Variants in NUP205 observed in about 807,000 individuals in gnomAD.
NUP205 encodes the protein nuclear pore complex protein Nup205.
In NUP205, 76 loss-of-function variants were observed where a neutral mutation model predicts 253.8. That is an observed-to-expected ratio of 0.30 (90% CI 0.25 to 0.36). The LOEUF is 0.36. Among genes scored for constraint, NUP205 ranks in the 10% least tolerant of loss-of-function variants. The probability of loss-of-function intolerance (pLI) is 1.00; values close to 1 mark genes in which losing one functional copy is unlikely to be tolerated. For synonymous variants in NUP205, 832 were observed against 850.1 expected (o/e 0.98, Z 0.37); for missense variants, 2,162 against 2,425.5 (o/e 0.89, Z 2.28).
intron 36 of NUP205, among the ~76,000 whole-genome samples, 154 bp from the exon 37 acceptor site, chr7:135,637,777 A>G (rs1398408920): frequency 6.6e-6 from 1 of 152,246 alleles, no homozygotes; most frequent in Non-Finnish European, 1.5e-5. Context: ...TTGAATTTTA[A>G]TAATGCTACT....
At chr7:135,580,848 A>G (rs1201839793) in intron 7 of NUP205, among the ~76,000 whole-genome samples, 1 of 152,060 alleles carries the variant, frequency 6.6e-6, no homozygotes, top group Non-Finnish European at 1.5e-5. Flanking sequence ...ATCTTATGCT[A>G]TAATTGCCCA....
At chr7:135,623,661 T>A (rs185725226) in intron 31 of NUP205, among the ~76,000 whole-genome samples, 133 of 141,218 alleles carry the variant, frequency 9.4e-4, no homozygotes, top group African/African-American at 3.1e-3. Context: ...GAAGATAACT[T>A]CTTCTTAATG....
At chr7:135,571,843 C>G (rs1424568012) in intron 2 of NUP205, among the ~76,000 whole-genome samples, 3 of 152,174 alleles carry the variant, frequency 2.0e-5, no homozygotes, top group Non-Finnish European at 4.4e-5. Context: ...TCACCTGTCT[C>G]ACTCCAGTGA....
At chr7:135,620,843 G>A (rs1794458355) in intron 30 of NUP205, among the ~76,000 whole-genome samples, 3 of 152,042 alleles carry the variant, frequency 2.0e-5, no homozygotes, top group Admixed American at 6.5e-5. Context: ...GAATTTCTTG[G>A]TCAAAAGTTA....
At chr7:135,567,852 A>T (rs927614086) in intron 1 of NUP205, among the ~76,000 whole-genome samples, 1 of 152,212 alleles carries the variant, frequency 6.6e-6, no homozygotes, top group Non-Finnish European at 1.5e-5. Flanking sequence ...GTCTAAACAC[A>T]TATGAGTACC....
chr7:135,624,646 G>A (rs533013559), intron 31 of NUP205, among the ~76,000 whole-genome samples: 3 of 152,082 alleles, frequency 2.0e-5, no homozygotes, highest in Non-Finnish European at 2.9e-5. Context: ...CAAAATGCTG[G>A]GATTACAGGC....
At chr7:135,633,376 A>T (rs191508055) in intron 35 of NUP205, among the ~76,000 whole-genome samples, 3 of 152,280 alleles carry the variant, frequency 2.0e-5, no homozygotes, top group Admixed American at 2.0e-4. Flanking sequence ...CAGCCTCCCA[A>T]GTAGCTGAGA....
In NUP205 at chr7:135,618,399, C is replaced by A. The variant is rs759123375; in HGVS notation, c.3772-13C>A. The A allele has an allele frequency of 1.2e-6, 2 of 1,611,540 alleles. No homozygotes were observed. Among genetic ancestry groups the A allele is most frequent in the African/African-American group, 1.3e-5 (1 of 74,834 alleles). On this transcript the variant is annotated splice_polypyrimidine_tract_variant and intron_variant, in intron 27 of 42. Transcript: ENST00000285968. Reference sequence around the variant, plus strand: ...GCCTGTTTAACCTTGTGATTCAATTCCTGTGGCTTTAGGAAATCAGCACTG... The same window carrying A: ...GCCTGTTTAACCTTGTGATTCAATTACTGTGGCTTTAGGAAATCAGCACTG...
chr7:135,638,442 G>C (rs1270769646), intron 37 of NUP205, 115 bp from the exon 38 acceptor site: 1 of 777,868 alleles, frequency 1.3e-6, no homozygotes, highest in Non-Finnish European at 2.1e-6. Context: ...AGAATACACA[G>C]ATGTGAGTCA....
chr7:135,627,970 A>T lies in NUP205; in HGVS notation c.4794-3A>T, dbSNP rs776739941. 1.2e-6 allele frequency: 2 copies of T among 1,612,652 alleles called. No individual in the cohort carries two copies. The highest frequency in any genetic ancestry group is 2.2e-5 in the South Asian group (2 of 90,946). On this transcript the variant is annotated splice_region_variant and splice_polypyrimidine_tract_variant and intron_variant, in intron 33 of 42. Coordinates refer to ENST00000285968, the MANE Select transcript of NUP205 (RefSeq NM_015135.3). ...TGTTTTCTCCTTGTTTGGTTGAAAT[A>T]AGCATGTTTGGCATGAGAGACCCTC...
chr7:135,629,173 A>G (rs1794653532), intron 34 of NUP205, among the ~76,000 whole-genome samples: 1 of 152,224 alleles, frequency 6.6e-6, no homozygotes. Flanking sequence ...AGTGATTCAC[A>G]TCCTTGGCTT....
At chr7:135,621,126 A>G (rs1340533875) in intron 30 of NUP205, among the ~76,000 whole-genome samples, 1 of 152,248 alleles carries the variant, frequency 6.6e-6, no homozygotes, top group Non-Finnish European at 1.5e-5. Context: ...ACCACTGTGT[A>G]CGTAAGGTTG....
rs1177255609 is a variant in NUP205, at chr7:135,587,562, ATAAAT to A, written c.1219-11_1219-7del. 11 of 1,523,662 alleles carry A rather than the reference ATAAAT, an allele frequency of 7.2e-6. No homozygotes were observed. In the South Asian group the frequency reaches 1.2e-4, roughly 17 times the overall value. 94.4% of individuals were successfully genotyped at this position (1,523,662 alleles called of 1,614,324 possible). A position where few individuals can be genotyped will look rare whatever the true frequency, so the allele number is the denominator to read the frequency against. On this transcript the variant is annotated splice_region_variant and splice_polypyrimidine_tract_variant and intron_variant, in intron 8 of 42. Transcript: ENST00000285968. The stretch of plus-strand genomic sequence containing the variant: ...CATTTACATATTAAAACTATATCTA[ATAAAT>A]TTAATAGGTGAAACAGCTGAGGAAT...
intron 19 of NUP205, 132 bp downstream of exon 19, chr7:135,604,592 T>C: frequency 1.1e-6 from 1 of 872,804 alleles, no homozygotes; most frequent in Non-Finnish European, 1.7e-6. Flanking sequence ...TATATTTGTA[T>C]AGGATGGGTG....
rs79694015 is a variant in NUP205 at position 135,602,753 on chromosome 7, G to A, written c.2513-52G>A. 2.6e-5 allele frequency: 36 copies of A among 1,389,266 alleles called. No homozygotes were observed. In the East Asian group the frequency reaches 7.9e-4, roughly 30 times the overall value. The allele number at this position is 1,389,266 out of a possible 1,614,324, so 86.1% of individuals were successfully genotyped here. A position where few individuals can be genotyped will look rare whatever the true frequency, so the allele number is the denominator to read the frequency against. On this transcript the variant is annotated intron_variant, in intron 17 of 42. Coordinates refer to ENST00000285968, the MANE Select transcript of NUP205 (RefSeq NM_015135.3). ...TGTCTTGTTTTCCTAAGAATTGACTGTGAGTTTTTAAGATAAATTTAGAAC... is the reference window on the plus strand; with the variant it reads ...TGTCTTGTTTTCCTAAGAATTGACTATGAGTTTTTAAGATAAATTTAGAAC...
At chr7:135,615,215 A>C (rs1468082980) in intron 23 of NUP205, among the ~76,000 whole-genome samples, 1 of 152,110 alleles carries the variant, frequency 6.6e-6, no homozygotes, top group East Asian at 1.9e-4. Context: ...TTATACTGTC[A>C]CAGTTTAGGG....
rs568234277 is a variant in NUP205 at position 135,645,316 on chromosome 7, TGAG to T, written c.5684-148_5684-146del. Reference sequence around the variant, plus strand: ...CTCAGCACACCTTGCTGCTTCCTCTTGAGGAGCCTTCAGTGAGACCCTGTCTGT... The same window carrying T: ...CTCAGCACACCTTGCTGCTTCCTCTTGAGCCTTCAGTGAGACCCTGTCTGT... On this transcript the variant is annotated intron_variant, in intron 40 of 42. Transcript: ENST00000285968. 267 of 864,790 alleles carry T rather than the reference TGAG, an allele frequency of 3.1e-4. No individual in the cohort carries two copies. The African/African-American group carries it at 3.5e-3, about 11-fold the overall frequency. The allele number at this position is 864,790 out of a possible 1,614,324, so 53.6% of individuals were successfully genotyped here. A position where few individuals can be genotyped will look rare whatever the true frequency, so the allele number is the denominator to read the frequency against.
In NUP205 at chr7:135,566,350, C is replaced by T. The variant is rs569955388; in HGVS notation, c.29-4755C>T. On this transcript the variant is annotated intron_variant, in intron 1 of 42. Transcript: ENST00000285968. The stretch of plus-strand genomic sequence containing the variant: ...TCTTGAACTCCTAGCCTTGGCCTCC[C>T]GAAGTGCTGGGGTTACACGGATGAG... Among the ~76,000 whole-genome samples, 17 of 152,222 alleles carry T rather than the reference C, an allele frequency of 1.1e-4. No homozygotes were observed. The East Asian group carries it at 1.5e-3, about 14-fold the overall frequency.
intron 23 of NUP205, 21 bp downstream of exon 23, chr7:135,614,294 A>G (rs1016583154): frequency 8.3e-6 from 10 of 1,200,040 alleles, no homozygotes; most frequent in Non-Finnish European, 2.5e-6. Flanking sequence ...ATTTTCCCGT[A>G]TTTATAAGAA....
Sources: gnomAD v4.1 joint callset for allele counts (sites outside exome capture counted in the v4.1 genomes callset) on GRCh38, gnomAD v4.1.1 for gene constraint, MANE v1.5 for transcripts, NCBI Gene and HGNC (gene_info 2026-07-23, HGNC 2026-07-21) for gene names.